PLCB1: variants seen among roughly 807,000 people sequenced by gnomAD.
PLCB1 encodes 1-phosphatidylinositol 4,5-bisphosphate phosphodiesterase beta-1.
Under a neutral mutation model 161.8 loss-of-function variants are expected in PLCB1, and 46 were observed. That is an observed-to-expected ratio of 0.28 (90% confidence interval 0.22 to 0.36). The LOEUF (loss-of-function observed/expected upper bound fraction) is 0.36. Ranked by LOEUF, PLCB1 falls within the 10% of genes least tolerant of loss-of-function variation. The pLI is 1.00. For synonymous variants in PLCB1, 517 were observed against 503.7 expected, an observed-to-expected ratio of 1.03 and a Z score of -0.35; for missense variants, 1,016 against 1,472.5, an observed-to-expected ratio of 0.69 and a Z score of 5.07.
intron 3 of PLCB1, among the ~76,000 whole-genome samples, chr20:8,417,071 ATATTTTTTTTT>A (rs1979325865): frequency 7.7e-5 from 4 of 51,680 alleles, no homozygotes; most frequent in Non-Finnish European, 1.3e-4. Flanking sequence ...ATATATATAT[ATATTTTTTTTT>A]TTTTTTTTTT....
chr20:8,659,471 C>T (rs907008702), intron 9 of PLCB1, among the ~76,000 whole-genome samples: 6 of 151,986 alleles, frequency 3.9e-5, no homozygotes, highest in African/African-American at 1.5e-4. Context: ...GATGTTATTG[C>T]AGATTGCCTA....
rs568383830 is a variant in PLCB1 at position 8,293,436 on chromosome 20, C to T, written c.178-77946C>T. On this transcript the variant is annotated intron_variant, in intron 2 of 31. Coordinates refer to ENST00000338037, the MANE Select transcript of PLCB1 (RefSeq NM_015192.4). ...ATAGTTCTCATTTTGTCATACAGAA[C>T]ATTTGAAAAGCCACAAAGAGTAAAA... Among the ~76,000 whole-genome samples the T allele has an allele frequency of 5.3e-5, 8 of 152,080 alleles. No homozygotes were observed. In the South Asian group the frequency reaches 1.5e-3, roughly 28 times the overall value.
At chr20:8,254,579 C>CAAAAA (rs1431241893) in intron 2 of PLCB1, among the ~76,000 whole-genome samples, 1 of 149,582 alleles carries the variant, frequency 6.7e-6, no homozygotes, top group East Asian at 1.9e-4. Flanking sequence ...AAAAAAAAGG[C>CAAAAA]TTTTCTTCAT....
intron 31 of PLCB1, among the ~76,000 whole-genome samples, chr20:8,866,668 G>A (rs1987439390): frequency 6.6e-6 from 1 of 152,280 alleles, no homozygotes; most frequent in South Asian, 2.1e-4. Context: ...TCTGCTGTCT[G>A]TAACCACCCA....
chr20:8,806,682 G>A (rs1997752), intron 31 of PLCB1, among the ~76,000 whole-genome samples: 14,752 of 152,074 alleles, frequency 0.097, 2,045 homozygotes, highest in African/African-American at 0.31. Flanking sequence ...TAGAGTACAC[G>A]TTGGGCTTTG....
chr20:8,299,988 AAC>A (rs1181843553), intron 2 of PLCB1, among the ~76,000 whole-genome samples: 1 of 152,160 alleles, frequency 6.6e-6, no homozygotes, highest in Non-Finnish European at 1.5e-5. Flanking sequence ...ACTGGCATAA[AAC>A]ACAACAGTAG....
chr20:8,296,827 T>A (rs1454700730), intron 2 of PLCB1, among the ~76,000 whole-genome samples: 1 of 152,172 alleles, frequency 6.6e-6, no homozygotes, highest in Non-Finnish European at 1.5e-5. Context: ...TGTACAATGC[T>A]TTTCCATCGT....
At chr20:8,226,775 C>A (rs1349486216) in intron 2 of PLCB1, among the ~76,000 whole-genome samples, 1 of 151,812 alleles carries the variant, frequency 6.6e-6, no homozygotes, top group East Asian at 1.9e-4. Context: ...GCAACCTCCA[C>A]CCTCTGAGTT....
chr20:8,541,455 C>T (rs1207399559), intron 3 of PLCB1, among the ~76,000 whole-genome samples: 1 of 152,060 alleles, frequency 6.6e-6, no homozygotes, highest in Non-Finnish European at 1.5e-5. Flanking sequence ...CATGGAAGTT[C>T]TCTGTGTCTG....
chr20:8,833,595 G>T (rs918764492), intron 31 of PLCB1, among the ~76,000 whole-genome samples: 10 of 152,202 alleles, frequency 6.6e-5, no homozygotes, highest in African/African-American at 2.4e-4. Context: ...TTGGAGTGGT[G>T]CAGGCTCAGG....
chr20:8,523,314 G>T (rs1037680233), intron 3 of PLCB1, among the ~76,000 whole-genome samples: 1 of 150,808 alleles, frequency 6.6e-6, no homozygotes. Context: ...ATTTAGTGAG[G>T]ATTCAAAAGA....
intron 27 of PLCB1, among the ~76,000 whole-genome samples, chr20:8,784,023 G>A (rs1213096779): frequency 2.0e-5 from 3 of 152,112 alleles, no homozygotes; most frequent in Non-Finnish European, 2.9e-5. Flanking sequence ...AGTTAGTATT[G>A]GGTAGAGAAA....
chr20:8,833,954 G>A (rs1471485289), intron 31 of PLCB1, among the ~76,000 whole-genome samples: 2 of 151,680 alleles, frequency 1.3e-5, no homozygotes, highest in Non-Finnish European at 2.9e-5. Context: ...CATTTCTTGT[G>A]GGTTGTATGT....
intron 3 of PLCB1, among the ~76,000 whole-genome samples, chr20:8,451,531 G>T (rs1487224239): frequency 6.6e-6 from 1 of 152,034 alleles, no homozygotes; most frequent in Admixed American, 6.6e-5. Flanking sequence ...TGTATTTTTA[G>T]TAGGTATGGG....
intron 2 of PLCB1, among the ~76,000 whole-genome samples, chr20:8,323,896 A>G (rs952670998): frequency 6.6e-6 from 1 of 152,154 alleles, no homozygotes; most frequent in African/African-American, 2.4e-5. Context: ...TAATGTATCA[A>G]CAATTATAAT....
chr20:8,708,442 C>T (rs1287394071), intron 11 of PLCB1, among the ~76,000 whole-genome samples: 1 of 152,108 alleles, frequency 6.6e-6, no homozygotes, highest in Non-Finnish European at 1.5e-5. Context: ...CTCTCCTTTG[C>T]ATTTCTCTCT....
chr20:8,549,921 T>G (rs1413136008), intron 3 of PLCB1, among the ~76,000 whole-genome samples: 1 of 152,188 alleles, frequency 6.6e-6, no homozygotes, highest in Non-Finnish European at 1.5e-5. Flanking sequence ...GCACTCATTC[T>G]TTCTCCTGCT....
intron 4 of PLCB1, among the ~76,000 whole-genome samples, chr20:8,638,614 A>G (rs1353463392): frequency 6.6e-6 from 1 of 152,230 alleles, no homozygotes; most frequent in Admixed American, 6.5e-5. Context: ...TTGTCAAGAA[A>G]CAGAACTAGG....
chr20:8,536,116 A>T (rs535560873), intron 3 of PLCB1, among the ~76,000 whole-genome samples: 2 of 152,304 alleles, frequency 1.3e-5, no homozygotes, highest in African/African-American at 4.8e-5. Context: ...TGTGATGAGA[A>T]ATTACCAAAT....
Sources: allele counts gnomAD v4.1 joint callset (sites outside exome capture counted in the v4.1 genomes callset), GRCh38; gene constraint gnomAD v4.1.1; transcripts MANE v1.5; gene names NCBI Gene and HGNC (gene_info 2026-07-23, HGNC 2026-07-21).